Variants in ODR4 observed in about 807,000 individuals in gnomAD.
ODR4 encodes odr-4 GPCR localization factor homolog.
ODR4 carries 47 observed loss-of-function variants against 60.2 expected under a neutral mutation model. The observed-to-expected ratio is 0.78, with a 90% CI of 0.62 to 1.00. ODR4 has a LOEUF of 1.00. ODR4 is among the 50% of genes least tolerant of loss of function. The probability of loss-of-function intolerance (pLI) is 0.00; values close to 1 mark genes in which losing one functional copy is unlikely to be tolerated. For missense variants in ODR4, 488 were observed against 530.8 expected, an observed-to-expected ratio of 0.92 and a Z score of 0.79; for synonymous variants, 178 against 175.5, an observed-to-expected ratio of 1.01 and a Z score of -0.11.
intron 12 of ODR4, among the ~76,000 whole-genome samples, chr1:186,416,381 C>G (rs1239169509): frequency 6.6e-6 from 1 of 151,792 alleles, no homozygotes; most frequent in Non-Finnish European, 1.5e-5. Context: ...ACTAAAAATA[C>G]AAAAATTAGG....
intron 6 of ODR4, 25 bp from the exon 7 acceptor site, chr1:186,390,686 A>G (rs761880073): frequency 2.5e-6 from 4 of 1,610,636 alleles, no homozygotes; most frequent in East Asian, 2.2e-5. Flanking sequence ...CATCATAGTT[A>G]TTTTTCTCCC....
the ODR4 span, among the ~76,000 whole-genome samples, chr1:186,432,845 G>A: frequency 1.3e-5 from 2 of 151,446 alleles, no homozygotes; most frequent in African/African-American, 2.4e-5. Context: ...GAGTGCAATG[G>A]TGTGGTCTCG....
At chr1:186,403,689 A>G (rs538213304) in intron 11 of ODR4, among the ~76,000 whole-genome samples, 1 of 152,168 alleles carries the variant, frequency 6.6e-6, no homozygotes, top group East Asian at 1.9e-4. Flanking sequence ...AAAAACTCCA[A>G]TTAATCCTTG....
Position 186,419,100 on chromosome 1 carries a change from A to G in ODR4, c.*24A>G. ...AGGGTGAGGCACAAAGAGTTTCTTGATCATCCAGAGAACATTGACAGACAA... is the reference window on the plus strand; with the variant it reads ...AGGGTGAGGCACAAAGAGTTTCTTGGTCATCCAGAGAACATTGACAGACAA... On this transcript the variant is annotated 3_prime_UTR_variant, in exon 14 of 14. Coordinates refer to ENST00000287859, the MANE Select transcript of ODR4 (RefSeq NM_017847.6). 6.3e-7 allele frequency: 1 copy of G among 1,583,918 alleles called. No individual in the cohort carries two copies. Among genetic ancestry groups the G allele is most frequent in the Non-Finnish European group, 8.6e-7 (1 of 1,156,528 alleles).
At chr1:186,392,897 C>T (rs564327608) in intron 8 of ODR4, among the ~76,000 whole-genome samples, 10 of 152,160 alleles carry the variant, frequency 6.6e-5, no homozygotes, top group African/African-American at 2.2e-4. Context: ...ACAAGCTACT[C>T]GGGGTGCTGA....
intron 11 of ODR4, among the ~76,000 whole-genome samples, chr1:186,405,726 A>G (rs1185291527): frequency 1.3e-5 from 2 of 151,766 alleles, no homozygotes; most frequent in African/African-American, 4.8e-5. Context: ...TAATTTTTGT[A>G]TTTTTAGTAG....
intron 9 of ODR4, among the ~76,000 whole-genome samples, chr1:186,396,271 C>T (rs893740068): frequency 1.3e-5 from 2 of 152,158 alleles, no homozygotes; most frequent in Non-Finnish European, 2.9e-5. Context: ...CCCAACTGGT[C>T]TACATTTCCA....
chr1:186,390,561 A>G (rs775733948), intron 6 of ODR4, 150 bp from the exon 7 acceptor site: 2 of 757,076 alleles, frequency 2.6e-6, no homozygotes, highest in Non-Finnish European at 2.1e-6. Flanking sequence ...GTTTAGTTCA[A>G]CCTATAGTCT....
chr1:186,397,691 G>A (rs1338228018), intron 9 of ODR4, among the ~76,000 whole-genome samples: 1 of 152,138 alleles, frequency 6.6e-6, no homozygotes, highest in East Asian at 1.9e-4. Flanking sequence ...TCAACCTGTA[G>A]TACTTTAACT....
At chr1:186,425,251 G>A (rs983634103), downstream of ODR4, among the ~76,000 whole-genome samples, 1 of 152,160 alleles carries the variant, frequency 6.6e-6, no homozygotes, top group Non-Finnish European at 1.5e-5. Flanking sequence ...GAAGATGTGT[G>A]AAACTAAAGA....
chr1:186,379,309 C>T (rs546314020), intron 1 of ODR4, among the ~76,000 whole-genome samples: 14 of 151,764 alleles, frequency 9.2e-5, no homozygotes, highest in African/African-American at 3.1e-4. Context: ...CGGGCATGGT[C>T]GTGAGCCCCT....
chr1:186,387,788 A>C (rs1269039281), intron 4 of ODR4, among the ~76,000 whole-genome samples: 1 of 152,220 alleles, frequency 6.6e-6, no homozygotes, highest in Non-Finnish European at 1.5e-5. Context: ...ATTGTTAGAA[A>C]GCTTAGACCG....
intron 9 of ODR4, among the ~76,000 whole-genome samples, chr1:186,395,053 A>G (rs1026058949): frequency 4.6e-5 from 7 of 152,184 alleles, no homozygotes; most frequent in South Asian, 4.1e-4. Context: ...ATATAGAGAG[A>G]TGAGTGGAAG....
intron 3 of ODR4, among the ~76,000 whole-genome samples, chr1:186,384,641 C>A (rs1660183328): frequency 6.6e-6 from 1 of 150,536 alleles, no homozygotes; most frequent in South Asian, 2.1e-4. Context: ...ATTAGCTTAA[C>A]CTTTTACCTC....
intron 12 of ODR4, chr1:186,412,025 T>G (rs1196125570): frequency 1.2e-5 from 2 of 164,970 alleles, no homozygotes; most frequent in Non-Finnish European, 2.5e-5. Flanking sequence ...CTCTGCCCTG[T>G]TTTTGAAACT....
chr1:186,423,316 A>G (rs1310999966), downstream of ODR4, among the ~76,000 whole-genome samples: 2 of 152,090 alleles, frequency 1.3e-5, no homozygotes, highest in African/African-American at 4.8e-5. Flanking sequence ...ACAGGCTGAT[A>G]GCACTTACTA....
chr1:186,399,802 T>A (rs1415489033), intron 11 of ODR4, among the ~76,000 whole-genome samples: 1 of 152,030 alleles, frequency 6.6e-6, no homozygotes, highest in East Asian at 1.9e-4. Context: ...CTAACAGACT[T>A]CATTACGTTT....
chr1:186,432,359 T>C, the ODR4 span, among the ~76,000 whole-genome samples: 1 of 152,230 alleles, frequency 6.6e-6, no homozygotes, highest in Admixed American at 6.5e-5. Context: ...ATACTGCCCT[T>C]GTCCAGTTTT....
At chr1:186,378,238 G>A (rs1659869070) in intron 1 of ODR4, among the ~76,000 whole-genome samples, 1 of 152,142 alleles carries the variant, frequency 6.6e-6, no homozygotes, top group Admixed American at 6.5e-5. Flanking sequence ...TACCACCCCA[G>A]CATATCTCTG....
Sources: gnomAD v4.1 joint callset for allele counts (sites outside exome capture counted in the v4.1 genomes callset) on GRCh38, gnomAD v4.1.1 for gene constraint, MANE v1.5 for transcripts, NCBI Gene and HGNC (gene_info 2026-07-23, HGNC 2026-07-21) for gene names.